The following CSMD1 variants were observed in gnomAD, a reference collection of about 807,000 sequenced individuals.
CSMD1 encodes CUB and Sushi multiple domains 1.
In CSMD1, 213 loss-of-function variants were observed where a neutral mutation model predicts 417.5. That is an observed-to-expected ratio of 0.51 (90% CI 0.46 to 0.57). The LOEUF (loss-of-function observed/expected upper bound fraction) is 0.57, where lower values mean the gene tolerates loss of function less well. CSMD1 is among the 20% of genes least tolerant of loss of function. The probability of loss-of-function intolerance (pLI) is 0.00; values close to 1 mark genes in which losing one functional copy is unlikely to be tolerated. For missense variants in CSMD1, 6,923 were observed against 4,529.7 expected, an observed-to-expected ratio of 1.53 and a Z score of -15.17; for synonymous variants, 2,862 against 1,736.8, an observed-to-expected ratio of 1.65 and a Z score of -16.11.
intron 2 of CSMD1, among the ~76,000 whole-genome samples, chr8:4,613,473 G>A (rs146741277): frequency 6.0e-4 from 92 of 152,260 alleles, no homozygotes; most frequent in Middle Eastern, 3.4e-3. Flanking sequence ...TGTTCACCAT[G>A]GCCTGGAAGA....
At chr8:4,834,341 C>T (rs2897730) in intron 1 of CSMD1, among the ~76,000 whole-genome samples, 136,494 of 152,140 alleles carry the variant, frequency 0.9, 61,613 homozygotes, top group East Asian at 1. Flanking sequence ...TACTTGATGG[C>T]AAGAACGCAT....
At chr8:4,545,100 A>G (rs888644512) in intron 2 of CSMD1, among the ~76,000 whole-genome samples, 2 of 152,236 alleles carry the variant, frequency 1.3e-5, no homozygotes, top group African/African-American at 4.8e-5. Context: ...AGGCATGTTA[A>G]GAGGGGACAT....
At chr8:4,655,921 T>A (rs1240863852) in intron 1 of CSMD1, among the ~76,000 whole-genome samples, 3 of 152,146 alleles carry the variant, frequency 2.0e-5, no homozygotes, top group Admixed American at 2.0e-4. Context: ...GGACACTGTG[T>A]TAGGCTCAGA....
intron 2 of CSMD1, among the ~76,000 whole-genome samples, chr8:4,577,022 G>A (rs1400415385): frequency 1.3e-5 from 2 of 152,072 alleles, no homozygotes; most frequent in East Asian, 3.9e-4. Flanking sequence ...ATTAGATCTT[G>A]AATTTTTATT....
intron 3 of CSMD1, among the ~76,000 whole-genome samples, chr8:4,131,739 T>C (rs1803117198): frequency 6.7e-6 from 1 of 149,472 alleles, no homozygotes; most frequent in South Asian, 2.1e-4. Context: ...CAAGATTAAA[T>C]TAGTATACAA....
intron 3 of CSMD1, among the ~76,000 whole-genome samples, chr8:4,357,940 T>C (rs575744597): frequency 1.3e-5 from 2 of 152,272 alleles, no homozygotes; most frequent in African/African-American, 4.8e-5. Context: ...TAAAAGCCCA[T>C]TGCTAGTGGT....
rs118066358 is a variant in CSMD1, at chr8:3,181,426, C to T, written c.5621-212G>A. Among the ~76,000 whole-genome samples, 417 of 152,300 alleles carry T rather than the reference C, an allele frequency of 2.7e-3. 7 individuals are homozygous for T. The East Asian group carries it at 0.048, about 17-fold the overall frequency. ...TACCCATTGTCTGCTCTGACCTGCT[C>T]AAGTCGATGTGACACCTTTCTCTTG... is the stretch of plus-strand genomic sequence containing the variant. On this transcript the variant is annotated intron_variant, in intron 36 of 69. Coordinates refer to ENST00000635120, the MANE Select transcript of CSMD1 (RefSeq NM_033225.6).
At chr8:4,407,185 C>T (rs1409956546) in intron 3 of CSMD1, among the ~76,000 whole-genome samples, 1 of 152,196 alleles carries the variant, frequency 6.6e-6, no homozygotes, top group Non-Finnish European at 1.5e-5. Flanking sequence ...AGAAGTTTGC[C>T]AGTCCTCTTT....
chr8:4,989,356 G>T (rs1811347482), intron 1 of CSMD1, among the ~76,000 whole-genome samples: 1 of 152,090 alleles, frequency 6.6e-6, no homozygotes, highest in Non-Finnish European at 1.5e-5. Context: ...GTTTACCACT[G>T]CTGGTCTCTT....
chr8:4,499,319 C>T (rs1406449119), intron 2 of CSMD1, among the ~76,000 whole-genome samples: 2 of 152,142 alleles, frequency 1.3e-5, no homozygotes, highest in Admixed American at 6.5e-5. Flanking sequence ...GATTAAGAAC[C>T]AGGGAGATGC....
intron 10 of CSMD1, among the ~76,000 whole-genome samples, chr8:3,510,225 G>A (rs1371480031): frequency 6.6e-6 from 1 of 151,694 alleles, no homozygotes; most frequent in South Asian, 2.1e-4. Flanking sequence ...GTCGGCAGGA[G>A]AAGTGGCCGA....
chr8:3,083,166 T>C (rs1158897514), intron 49 of CSMD1, among the ~76,000 whole-genome samples: 1 of 152,154 alleles, frequency 6.6e-6, no homozygotes, highest in Non-Finnish European at 1.5e-5. Flanking sequence ...TGACGATTCT[T>C]CCTTATATAT....
rs551967608 is a variant in CSMD1, at chr8:3,075,968, A to G, written c.7474+11129T>C. ...AGGGACGCTGAGGCAGGAGAATGGC[A>G]TGAACCTGGGAGGCGCAGCTTGCAG... is the stretch of plus-strand genomic sequence containing the variant. On this transcript the variant is annotated intron_variant, in intron 49 of 69. Transcript: ENST00000635120. 1.4e-3 allele frequency among the ~76,000 whole-genome samples: 217 copies of G among 151,418 alleles called. 2 individuals are homozygous for G. Among genetic ancestry groups the G allele is most frequent in the East Asian group, 0.011 (56 of 5,064 alleles).
At position 2,999,936 on chromosome 8, in the gene CSMD1, C is replaced by G. The variant is rs538694043; in HGVS notation, c.8203+22G>C. ...TGGCAAAAGGAAGCATCGATGAATT[C>G]GTCCACAAAGAGTGCACTTACGGAC... On this transcript the variant is annotated intron_variant, in intron 53 of 69. Transcript: ENST00000635120. The G allele has an allele frequency of 1.3e-5, 21 of 1,578,032 alleles. No individual in the cohort carries two copies. The South Asian group carries it at 2.1e-4, about 16-fold the overall frequency.
intron 3 of CSMD1, among the ~76,000 whole-genome samples, chr8:4,170,538 G>T (rs373901141): frequency 6.6e-6 from 1 of 151,812 alleles, no homozygotes; most frequent in African/African-American, 2.4e-5. Flanking sequence ...TATAGTCGGA[G>T]TATTGGAATA....
At chr8:4,880,544 C>A (rs1380927160) in intron 1 of CSMD1, among the ~76,000 whole-genome samples, 8 of 152,090 alleles carry the variant, frequency 5.3e-5, no homozygotes, top group Admixed American at 5.2e-4. Context: ...CCTTCGCCTC[C>A]TCCTCTGAAA....
At chr8:4,359,354 A>G (rs1318674791) in intron 3 of CSMD1, among the ~76,000 whole-genome samples, 1 of 152,232 alleles carries the variant, frequency 6.6e-6, no homozygotes, top group African/African-American at 2.4e-5. Flanking sequence ...TAAACACTAT[A>G]ATTATCTACA....
chr8:4,242,796 T>C (rs1442483683), intron 3 of CSMD1, among the ~76,000 whole-genome samples: 1 of 152,182 alleles, frequency 6.6e-6, no homozygotes, highest in African/African-American at 2.4e-5. Flanking sequence ...ATTTATAAAG[T>C]TGGAGGAAAC....
intron 5 of CSMD1, among the ~76,000 whole-genome samples, chr8:3,874,418 C>A (rs1805681070): frequency 6.6e-6 from 1 of 152,128 alleles, no homozygotes; most frequent in Non-Finnish European, 1.5e-5. Context: ...TAGGTTTTAT[C>A]CCTGGATCAA....
Sources: gnomAD v4.1 joint callset for allele counts (sites outside exome capture counted in the v4.1 genomes callset) on GRCh38, gnomAD v4.1.1 for gene constraint, MANE v1.5 for transcripts, NCBI Gene and HGNC (gene_info 2026-07-23, HGNC 2026-07-21) for gene names.